Variants in RIMS2 observed in about 807,000 individuals in gnomAD.
The protein encoded by RIMS2 is regulating synaptic membrane exocytosis 2, also known as regulating synaptic membrane exocytosis protein 2.
A neutral mutation model predicts 174.4 loss-of-function variants in RIMS2; 59 were observed. That is an observed-to-expected ratio of 0.34 (90% CI 0.27 to 0.42). RIMS2 has a LOEUF of 0.42. Ranked by LOEUF, RIMS2 falls within the 10% of genes least tolerant of loss-of-function variation. The pLI is 1.00. For missense variants in RIMS2, 1,620 were observed against 1,666.3 expected (o/e 0.97, Z 0.48); for synonymous variants, 606 against 572.5 (o/e 1.06, Z -0.84).
At chr8:103,923,377 G>A (rs2078103630) in intron 10 of RIMS2, among the ~76,000 whole-genome samples, 1 of 151,772 alleles carries the variant, frequency 6.6e-6, no homozygotes, top group African/African-American at 2.4e-5. Context: ...GTATCACTTT[G>A]TTATCTCATT....
chr8:103,834,265 T>G (rs1054541565), intron 3 of RIMS2, among the ~76,000 whole-genome samples: 1 of 151,862 alleles, frequency 6.6e-6, no homozygotes, highest in African/African-American at 2.4e-5. Flanking sequence ...AAAATATAAT[T>G]TAATTGTTTT....
At chr8:103,826,869 A>G (rs549591697) in intron 3 of RIMS2, among the ~76,000 whole-genome samples, 2 of 148,166 alleles carry the variant, frequency 1.3e-5, no homozygotes, top group Admixed American at 6.7e-5. Context: ...TTGTCTTGCT[A>G]TATTGTCTAG....
At chr8:103,822,828 A>G (rs907457607) in intron 3 of RIMS2, among the ~76,000 whole-genome samples, 2 of 151,972 alleles carry the variant, frequency 1.3e-5, no homozygotes, top group African/African-American at 4.8e-5. Flanking sequence ...GAAATTATTT[A>G]ATCAGGACAC....
chr8:103,877,133 A>G (rs1245169645), intron 3 of RIMS2, among the ~76,000 whole-genome samples: 6 of 151,416 alleles, frequency 4.0e-5, no homozygotes, highest in Non-Finnish European at 7.4e-5. Context: ...CCTGTTTTCC[A>G]TAGTGGTTGT....
intron 3 of RIMS2, among the ~76,000 whole-genome samples, chr8:103,777,226 G>A (rs532595169): frequency 5.9e-5 from 9 of 151,738 alleles, no homozygotes; most frequent in Non-Finnish European, 1.0e-4. Context: ...AAAGGAGAAA[G>A]AATTATAAGA....
At chr8:104,055,315 A>C (rs972500413) in intron 19 of RIMS2, among the ~76,000 whole-genome samples, 1 of 152,182 alleles carries the variant, frequency 6.6e-6, no homozygotes, top group Non-Finnish European at 1.5e-5. Flanking sequence ...ATATTTGATA[A>C]TTATGTCATA....
At chr8:103,561,591 A>G (rs887408569) in intron 1 of RIMS2, among the ~76,000 whole-genome samples, 1 of 152,214 alleles carries the variant, frequency 6.6e-6, no homozygotes, top group Non-Finnish European at 1.5e-5. Flanking sequence ...TTCTTTTCTT[A>G]TATCAGCAAC....
chr8:103,539,648 A>G (rs920675075), intron 1 of RIMS2, among the ~76,000 whole-genome samples: 1 of 152,192 alleles, frequency 6.6e-6, no homozygotes, highest in African/African-American at 2.4e-5. Flanking sequence ...AAGGCAACCA[A>G]CAGTCATTCC....
chr8:103,815,649 C>T (rs981866371), intron 3 of RIMS2, among the ~76,000 whole-genome samples: 8 of 152,078 alleles, frequency 5.3e-5, no homozygotes, highest in Non-Finnish European at 1.2e-4. Context: ...ATCATAAGCC[C>T]TACATCCTAT....
At chr8:103,752,325 C>T (rs2139776701) in intron 2 of RIMS2, among the ~76,000 whole-genome samples, 1 of 152,244 alleles carries the variant, frequency 6.6e-6, no homozygotes, top group East Asian at 1.9e-4. Flanking sequence ...TGTTTTGGTA[C>T]CAGTACCATG....
chr8:104,243,685 C>CA (rs1052976924), intron 19 of RIMS2, among the ~76,000 whole-genome samples: 69 of 149,380 alleles, frequency 4.6e-4, no homozygotes, highest in South Asian at 1.3e-3. Context: ...GACTTTGTCT[C>CA]AAAAAAAAAG....
intron 3 of RIMS2, among the ~76,000 whole-genome samples, chr8:103,791,978 T>C (rs909675545): frequency 6.6e-5 from 10 of 152,132 alleles, no homozygotes; most frequent in African/African-American, 2.4e-4. Flanking sequence ...AATGGGACAC[T>C]TTAACACCCC....
intron 19 of RIMS2, among the ~76,000 whole-genome samples, chr8:104,144,915 T>C (rs903311555): frequency 6.6e-6 from 1 of 152,130 alleles, no homozygotes; most frequent in Non-Finnish European, 1.5e-5. Flanking sequence ...AGTAGGGTAA[T>C]TCCATATTTG....
intron 19 of RIMS2, among the ~76,000 whole-genome samples, chr8:104,206,817 G>A (rs1056425639): frequency 6.6e-6 from 1 of 152,216 alleles, no homozygotes; most frequent in African/African-American, 2.4e-5. Flanking sequence ...TATGTCCCAA[G>A]GAGTAGGGAG....
intron 3 of RIMS2, among the ~76,000 whole-genome samples, chr8:103,789,498 C>T (rs1033199688): frequency 8.5e-5 from 13 of 152,098 alleles, no homozygotes; most frequent in African/African-American, 3.1e-4. Context: ...AAAATCACCT[C>T]ACTTTGTCAT....
exon 6 of RIMS2, chr8:103,912,067 G>T: frequency 6.3e-7 from 1 of 1,592,160 alleles, no homozygotes; most frequent in Admixed American, 1.7e-5. Flanking sequence ...CTGTAACCTG[G>T]CAACCATCTA....
chr8:103,543,637 T>C (rs1256809851), intron 1 of RIMS2, among the ~76,000 whole-genome samples: 1 of 152,170 alleles, frequency 6.6e-6, no homozygotes, highest in Non-Finnish European at 1.5e-5. Context: ...AGCATGGTAC[T>C]ATAAACAGAT....
Position 104,224,462 on chromosome 8 carries a change from A to G in RIMS2, c.3335-20454A>G, listed in dbSNP as rs759700393. ...ATGTATTTTCTTCATGAACTTTCCTATAAGATTTAACAACTAACACTGAAA... is the reference window on the plus strand; with the variant it reads ...ATGTATTTTCTTCATGAACTTTCCTGTAAGATTTAACAACTAACACTGAAA... On this transcript the variant is annotated intron_variant, in intron 19 of 23. Coordinates refer to ENST00000504942, the Ensembl canonical transcript of RIMS2. Among the ~76,000 whole-genome samples the G allele has an allele frequency of 2.0e-5, 3 of 152,240 alleles. No homozygotes were observed. In the South Asian group the frequency reaches 6.2e-4, roughly 32 times the overall value.
intron 6 of RIMS2, 106 bp from the exon 10 acceptor site, chr8:103,915,389 T>A (rs1325887494): frequency 3.8e-6 from 2 of 529,380 alleles, no homozygotes; most frequent in Non-Finnish European, 6.8e-6. Flanking sequence ...TACATTAAAT[T>A]AGCGTTTTAG....
Sources: gnomAD v4.1 joint callset for allele counts (sites outside exome capture counted in the v4.1 genomes callset) on GRCh38, gnomAD v4.1.1 for gene constraint, MANE v1.5 for transcripts, NCBI Gene and HGNC (gene_info 2026-07-23, HGNC 2026-07-21) for gene names.